Variants in STX1B observed in about 807,000 individuals in gnomAD.
STX1B encodes the protein syntaxin-1B.
A neutral mutation model predicts 39.4 loss-of-function variants in STX1B; 7 were observed. The observed-to-expected ratio is 0.18, with a 90% CI of 0.10 to 0.33. The LOEUF is 0.33. Ranked by LOEUF, STX1B falls within the 10% of genes least tolerant of loss-of-function variation. STX1B has a pLI of 1.00. For synonymous variants in STX1B, 136 were observed against 144.1 expected (o/e 0.94, Z 0.40); for missense variants, 198 against 383.2 (o/e 0.52, Z 4.04).
At chr16:30,995,828 C>A (rs1431603851) in intron 7 of STX1B, among the ~76,000 whole-genome samples, 1 of 152,082 alleles carries the variant, frequency 6.6e-6, no homozygotes, top group Non-Finnish European at 1.5e-5. Flanking sequence ...AAGGGCAGCA[C>A]AGGGGACAAA....
chr16:31,010,336 GCCCCCCCATTCTCCCCA>G lies in STX1B; in HGVS notation c.30+14_30+30del. 1 of 314,508 alleles carries G rather than the reference GCCCCCCCATTCTCCCCA, an allele frequency of 3.2e-6. No individual in the cohort carries two copies. The highest frequency in any genetic ancestry group is 5.8e-6 in the Non-Finnish European group (1 of 171,002). 19.5% of individuals were successfully genotyped at this position (314,508 alleles called of 1,614,324 possible). A position where few individuals can be genotyped will look rare whatever the true frequency, so the allele number is the denominator to read the frequency against. On this transcript the variant is annotated intron_variant, in intron 1 of 9. Transcript: ENST00000215095. ...CGCGCTCCCCCAATATTGGGGTCCC[GCCCCCCCATTCTCCCCA>G]CCCCCAAGCTCACACTCCGCAGCTC...
rs2056545258 is a variant in STX1B, at chr16:30,990,292, G to C, written c.*2529C>G. 1 of 152,286 alleles carries C rather than the reference G, an allele frequency of 6.6e-6. No individual in the cohort carries two copies. Among genetic ancestry groups the C allele is most frequent in the Non-Finnish European group, 1.5e-5 (1 of 68,106 alleles). The allele number at this position is 152,286 out of a possible 1,614,324, so 9.4% of individuals were successfully genotyped here. The stretch of plus-strand genomic sequence containing the variant: ...TGCTCTGATGTCTCCCAAGCAGCCC[G>C]AGATGGGAGCAGGAGGGCCGTGGCC... On this transcript the variant is annotated 3_prime_UTR_variant, in exon 10 of 10. Coordinates refer to ENST00000215095, the MANE Select transcript of STX1B (RefSeq NM_052874.5).
chr16:31,005,202 G>A (rs956451761), intron 1 of STX1B, among the ~76,000 whole-genome samples: 1 of 152,192 alleles, frequency 6.6e-6, no homozygotes, highest in Admixed American at 6.5e-5. Flanking sequence ...TCCGTGCTCT[G>A]AGTGATGCAT....
chr16:30,993,747 T>C (rs2056575862), intron 7 of STX1B, among the ~76,000 whole-genome samples: 1 of 152,132 alleles, frequency 6.6e-6, no homozygotes, highest in Admixed American at 6.5e-5. Context: ...TCCCAGCACT[T>C]TGGGAGGTGT....
chr16:30,992,001 CATTT>C lies in STX1B; in HGVS notation c.*816_*819del, dbSNP rs2056561887. 1 of 151,620 alleles carries C rather than the reference CATTT, an allele frequency of 6.6e-6. No homozygotes were observed. The highest frequency in any genetic ancestry group is 1.5e-5 in the Non-Finnish European group (1 of 67,934). 9.4% of individuals were successfully genotyped at this position (151,620 alleles called of 1,614,324 possible). A position where few individuals can be genotyped will look rare whatever the true frequency, so the allele number is the denominator to read the frequency against. On this transcript the variant is annotated 3_prime_UTR_variant, in exon 10 of 10. Transcript: ENST00000215095. ...TGCATTCTAGGTAGCAAGAAATACA[CATTT>C]CTGTGCCCTCCCAAAACAGGTGTCC...
In STX1B at chr16:30,992,387, T is replaced by A. The variant is rs2056564186; in HGVS notation, c.*434A>T. The A allele has an allele frequency of 1.2e-5, 2 of 173,340 alleles. No individual in the cohort carries two copies. Among genetic ancestry groups the A allele is most frequent in the Non-Finnish European group, 2.4e-5 (2 of 81,842 alleles). The allele number at this position is 173,340 out of a possible 1,614,324, so 10.7% of individuals were successfully genotyped here. ...TGTGGTCTCACGCACGCACACACACTGTTCACAGAGGACAGAGAGGGCGTG... is the reference window on the plus strand; with the variant it reads ...TGTGGTCTCACGCACGCACACACACAGTTCACAGAGGACAGAGAGGGCGTG... On this transcript the variant is annotated 3_prime_UTR_variant, in exon 10 of 10. Coordinates refer to ENST00000215095, the MANE Select transcript of STX1B (RefSeq NM_052874.5).
At chr16:30,996,279 T>C (rs2056591432) in intron 7 of STX1B, 1 of 166,104 alleles carries the variant, frequency 6.0e-6, no homozygotes, top group Non-Finnish European at 1.3e-5. Context: ...TAGCAGAGTA[T>C]GTCGTGTATC....
At chr16:30,997,421 G>A in intron 5 of STX1B, 81 bp downstream of exon 5, 1 of 890,550 alleles carries the variant, frequency 1.1e-6, no homozygotes. Flanking sequence ...GCCGGTGCTT[G>A]GCCCTGGCCC....
At position 30,989,910 on chromosome 16, in the gene STX1B, C is replaced by T. The variant is rs1375573500; in HGVS notation, c.*2911G>A. ...AGGGCACACGTGGGGCACATGTGGG[C>T]TCAATGGTTGCAGGCGCCTGGGCAG... is the stretch of plus-strand genomic sequence containing the variant. On this transcript the variant is annotated 3_prime_UTR_variant, in exon 10 of 10. Coordinates refer to ENST00000215095, the MANE Select transcript of STX1B (RefSeq NM_052874.5). 6.6e-6 allele frequency: 1 copy of T among 152,362 alleles called. No individual in the cohort carries two copies. Among genetic ancestry groups the T allele is most frequent in the Non-Finnish European group, 1.5e-5 (1 of 68,130 alleles). The allele number at this position is 152,362 out of a possible 1,614,324, so 9.4% of individuals were successfully genotyped here. A position where few individuals can be genotyped will look rare whatever the true frequency, so the allele number is the denominator to read the frequency against.
chr16:30,991,656 G>T lies in STX1B; in HGVS notation c.*1165C>A, dbSNP rs1471664694. The T allele has an allele frequency of 6.6e-6, 1 of 152,180 alleles. No individual in the cohort carries two copies. The highest frequency in any genetic ancestry group is 1.5e-5 in the Non-Finnish European group (1 of 68,116). 9.4% of individuals were successfully genotyped at this position (152,180 alleles called of 1,614,324 possible). ...GGCCAAAGTGGGCGGATCACCTGAG[G>T]TCAGGAGTTCGAGACCAGCCTGGCC... is the stretch of plus-strand genomic sequence containing the variant. On this transcript the variant is annotated 3_prime_UTR_variant, in exon 10 of 10. Coordinates refer to ENST00000215095, the MANE Select transcript of STX1B (RefSeq NM_052874.5).
At chr16:31,009,456 C>T (rs2056670236) in intron 1 of STX1B, among the ~76,000 whole-genome samples, 1 of 152,010 alleles carries the variant, frequency 6.6e-6, no homozygotes, top group Admixed American at 6.6e-5. Context: ...CAGCCCAGCA[C>T]AGTGCGGACT....
intron 1 of STX1B, among the ~76,000 whole-genome samples, chr16:31,002,524 C>T (rs2056635778): frequency 6.6e-6 from 1 of 152,224 alleles, no homozygotes; most frequent in Admixed American, 6.5e-5. Context: ...TGTGGACACA[C>T]TGGCTTTCAG....
intron 5 of STX1B, 92 bp downstream of exon 5, chr16:30,997,410 C>T (rs879264408): frequency 1.6e-5 from 18 of 1,159,506 alleles, no homozygotes; most frequent in Non-Finnish European, 2.3e-5. Flanking sequence ...ACCACGCCCC[C>T]GCCGGTGCTT....
rs2056565096 is a variant in STX1B, at chr16:30,992,522, GCATCACACA to G, written c.*290_*298del. 2.9e-6 allele frequency: 1 copy of G among 344,214 alleles called. No individual in the cohort carries two copies. Among genetic ancestry groups the G allele is most frequent in the Non-Finnish European group, 5.4e-6 (1 of 184,716 alleles). The allele number at this position is 344,214 out of a possible 1,614,324, so 21.3% of individuals were successfully genotyped here. ...GTGGGGGTGGAGGGGGTGCTCTGGT[GCATCACACA>G]CATCACACGCACACGCACGCTGGGG... On this transcript the variant is annotated 3_prime_UTR_variant, in exon 10 of 10. Transcript: ENST00000215095.
At chr16:30,996,799 T>TGGG in intron 6 of STX1B, 43 bp from the exon 7 acceptor site, 1 of 1,607,546 alleles carries the variant, frequency 6.2e-7, no homozygotes, top group Non-Finnish European at 8.5e-7. Context: ...TGGGACAGCC[T>TGGG]GGGGGCCTGA....
chr16:31,006,981 C>T (rs1335107454), intron 1 of STX1B, among the ~76,000 whole-genome samples: 1 of 152,058 alleles, frequency 6.6e-6, no homozygotes, highest in Non-Finnish European at 1.5e-5. Context: ...CATGGTGGTG[C>T]GCATCTGTAA....
chr16:30,992,538 A>T lies in STX1B; in HGVS notation c.*283T>A. 1 of 377,176 alleles carries T rather than the reference A, an allele frequency of 2.7e-6. No individual in the cohort carries two copies. Among genetic ancestry groups the T allele is most frequent in the South Asian group, 3.7e-5 (1 of 27,178 alleles). 23.4% of individuals were successfully genotyped at this position (377,176 alleles called of 1,614,324 possible). A position where few individuals can be genotyped will look rare whatever the true frequency, so the allele number is the denominator to read the frequency against. On this transcript the variant is annotated 3_prime_UTR_variant, in exon 10 of 10. Transcript: ENST00000215095. Reference sequence around the variant, plus strand: ...TGCTCTGGTGCATCACACACATCACACGCACACGCACGCTGGGGTGTCCAC... The same window carrying T: ...TGCTCTGGTGCATCACACACATCACTCGCACACGCACGCTGGGGTGTCCAC...
chr16:30,993,028 C>A, intron 9 of STX1B, 102 bp downstream of exon 9: 1 of 1,353,232 alleles, frequency 7.4e-7, no homozygotes, highest in Non-Finnish European at 1.1e-6. Flanking sequence ...AGGAAGAGGT[C>A]AGAGCCAGAG....
In STX1B at chr16:30,989,803, C is replaced by T. The variant is rs369471915; in HGVS notation, c.*3018G>A. The T allele has an allele frequency of 7.2e-5, 11 of 152,402 alleles. No individual in the cohort carries two copies. The highest frequency in any genetic ancestry group is 3.9e-4 in the East Asian group (2 of 5,164). 9.4% of individuals were successfully genotyped at this position (152,402 alleles called of 1,614,324 possible). On this transcript the variant is annotated 3_prime_UTR_variant, in exon 10 of 10. Transcript: ENST00000215095. The stretch of plus-strand genomic sequence containing the variant: ...GACCCACGGGTACATGGGATGGACA[C>T]GCAGTGTGCTTCATGAGGGGTGGGA...
Sources: gnomAD v4.1 joint callset for allele counts (sites outside exome capture counted in the v4.1 genomes callset) on GRCh38, gnomAD v4.1.1 for gene constraint, MANE v1.5 for transcripts, NCBI Gene and HGNC (gene_info 2026-07-23, HGNC 2026-07-21) for gene names.